Variants in PAWR observed in about 807,000 individuals in gnomAD.
The protein encoded by PAWR is pro-apoptotic WT1 regulator.
PAWR carries 23 observed loss-of-function variants against 32.0 expected under a neutral mutation model. The ratio of observed to expected loss-of-function variants is 0.72; its 90% CI spans 0.52 to 1.02. The LOEUF is 1.02. PAWR is among the 50% of genes least tolerant of loss of function. The pLI, the probability that PAWR is intolerant of heterozygous loss-of-function variation, is 0.00. For missense variants in PAWR, 457 were observed against 437.7 expected (o/e 1.04, Z -0.39); for synonymous variants, 226 against 187.1 (o/e 1.21, Z -1.70).
At chr12:79,671,548 A>T (rs1445997165) in intron 2 of PAWR, among the ~76,000 whole-genome samples, 2 of 152,290 alleles carry the variant, frequency 1.3e-5, no homozygotes, top group East Asian at 3.9e-4. Context: ...GATCTTGTCA[A>T]ATACTTTTTC....
intron 2 of PAWR, among the ~76,000 whole-genome samples, chr12:79,648,424 A>G (rs1249192579): frequency 6.6e-6 from 1 of 152,124 alleles, no homozygotes; most frequent in Non-Finnish European, 1.5e-5. Flanking sequence ...AATTAAACAA[A>G]GTCAGAAGTT....
intron 2 of PAWR, among the ~76,000 whole-genome samples, chr12:79,662,201 C>CAAAA (rs57565065): frequency 5.0e-4 from 23 of 45,578 alleles, no homozygotes; most frequent in African/African-American, 9.1e-4. Context: ...AGACATCTCT[C>CAAAA]AAAAAAAAAA....
intron 2 of PAWR, among the ~76,000 whole-genome samples, chr12:79,664,188 CAG>C (rs1163642841): frequency 1.3e-5 from 2 of 152,102 alleles, no homozygotes; most frequent in Admixed American, 6.5e-5. Flanking sequence ...AGACAGTCAA[CAG>C]AGGCCACCAC....
At chr12:79,632,607 T>C (rs1304922642) in intron 2 of PAWR, among the ~76,000 whole-genome samples, 1 of 151,378 alleles carries the variant, frequency 6.6e-6, no homozygotes, top group African/African-American at 2.4e-5. Context: ...TGGGCTCAAG[T>C]GATCACCTGC....
intron 4 of PAWR, among the ~76,000 whole-genome samples, chr12:79,598,483 A>G (rs1244944558): frequency 6.6e-6 from 1 of 152,194 alleles, no homozygotes; most frequent in Non-Finnish European, 1.5e-5. Flanking sequence ...TCAATCCTTC[A>G]CTGACTGGTA....
intron 2 of PAWR, among the ~76,000 whole-genome samples, chr12:79,666,440 CT>C (rs1877607059): frequency 6.6e-6 from 1 of 152,294 alleles, no homozygotes; most frequent in African/African-American, 2.4e-5. Context: ...CCAAGCACCC[CT>C]GTGAGTCCCC....
At chr12:79,601,654 A>C (rs1873967058) in intron 4 of PAWR, among the ~76,000 whole-genome samples, 1 of 152,230 alleles carries the variant, frequency 6.6e-6, no homozygotes, top group Non-Finnish European at 1.5e-5. Context: ...TATCCCAAAA[A>C]TAGAGCATAA....
At chr12:79,638,094 T>C (rs1466461399) in intron 2 of PAWR, among the ~76,000 whole-genome samples, 1 of 151,894 alleles carries the variant, frequency 6.6e-6, no homozygotes, top group Admixed American at 6.6e-5. Flanking sequence ...TTTTTATGGC[T>C]CTTTAAACAT....
intron 2 of PAWR, among the ~76,000 whole-genome samples, chr12:79,686,577 G>A (rs539084827): frequency 3.3e-5 from 5 of 152,304 alleles, no homozygotes; most frequent in Admixed American, 1.3e-4. Flanking sequence ...GAATTAGCAT[G>A]AGCAAACATT....
intron 4 of PAWR, among the ~76,000 whole-genome samples, chr12:79,605,924 A>G (rs1447574082): frequency 1.3e-5 from 2 of 151,996 alleles, no homozygotes; most frequent in East Asian, 3.9e-4. Flanking sequence ...AAATACAAAA[A>G]TTGGCTGGGT....
At chr12:79,671,956 G>A (rs1274358047) in intron 2 of PAWR, among the ~76,000 whole-genome samples, 2 of 152,120 alleles carry the variant, frequency 1.3e-5, no homozygotes, top group African/African-American at 2.4e-5. Flanking sequence ...TTTACTGCAC[G>A]AATAGCAGTG....
intron 2 of PAWR, among the ~76,000 whole-genome samples, chr12:79,688,880 A>C (rs1245778994): frequency 6.6e-6 from 1 of 152,228 alleles, no homozygotes; most frequent in Non-Finnish European, 1.5e-5. Flanking sequence ...AAGTAATCAA[A>C]ACTTGTTTGA....
intron 2 of PAWR, among the ~76,000 whole-genome samples, chr12:79,682,194 C>T (rs534401378): frequency 6.2e-4 from 94 of 152,184 alleles, no homozygotes; most frequent in African/African-American, 1.9e-3. Context: ...CTTTGTCACC[C>T]AGGCTGTAGT....
intron 2 of PAWR, among the ~76,000 whole-genome samples, chr12:79,670,807 T>C (rs1159932048): frequency 4.0e-5 from 6 of 151,736 alleles, no homozygotes; most frequent in Non-Finnish European, 8.8e-5. Context: ...AGCAAAACCT[T>C]AGAAGAAAAC....
intron 4 of PAWR, chr12:79,604,759 C>T: frequency 8.7e-7 from 1 of 1,143,156 alleles, no homozygotes; most frequent in Middle Eastern, 2.3e-4. Context: ...CATACACCAA[C>T]AACTAAAAAT....
At chr12:79,626,163 T>TAAAAAAAAAAAAAAAAA (rs565157190) in intron 2 of PAWR, among the ~76,000 whole-genome samples, 7 of 82,128 alleles carry the variant, frequency 8.5e-5, no homozygotes, top group African/African-American at 2.5e-4. Flanking sequence ...GACTCCATCT[T>TAAAAAAAAAAAAAAAAA]AAAAAAAAAA....
At chr12:79,667,390 C>G (rs1420617045) in intron 2 of PAWR, among the ~76,000 whole-genome samples, 2 of 152,048 alleles carry the variant, frequency 1.3e-5, no homozygotes, top group Non-Finnish European at 2.9e-5. Flanking sequence ...TAGTTTAAAT[C>G]TAAATTTACC....
intron 2 of PAWR, among the ~76,000 whole-genome samples, chr12:79,679,520 A>G (rs1878335683): frequency 6.6e-6 from 1 of 152,240 alleles, no homozygotes; most frequent in African/African-American, 2.4e-5. Context: ...GAGAAAAAAC[A>G]GTAAGCTGAA....
At chr12:79,664,173 C>G (rs935085043) in intron 2 of PAWR, among the ~76,000 whole-genome samples, 1 of 152,042 alleles carries the variant, frequency 6.6e-6, no homozygotes, top group Non-Finnish European at 1.5e-5. Context: ...AAGTAAATAT[C>G]CTCGAGACAG....
Sources: allele counts gnomAD v4.1 joint callset (sites outside exome capture counted in the v4.1 genomes callset), GRCh38; gene constraint gnomAD v4.1.1; transcripts MANE v1.5; gene names NCBI Gene and HGNC (gene_info 2026-07-23, HGNC 2026-07-21).